Variants in PTPA observed in about 807,000 individuals in gnomAD.
The protein encoded by PTPA is protein phosphatase 2 phosphatase activator.
PTPA carries 13 observed loss-of-function variants against 43.6 expected under a neutral mutation model. The ratio of observed to expected loss-of-function variants is 0.30; its 90% CI spans 0.19 to 0.47. The LOEUF is 0.47. PTPA is among the 20% of genes least tolerant of loss of function. The probability of loss-of-function intolerance (pLI) is 0.99; values close to 1 mark genes in which losing one functional copy is unlikely to be tolerated. For missense variants in PTPA, 329 were observed against 411.9 expected (o/e 0.80, Z 1.74); for synonymous variants, 172 against 158.2 (o/e 1.09, Z -0.66).
intron 9 of PTPA, among the ~76,000 whole-genome samples, chr9:129,144,294 A>C (rs973365573): frequency 1.3e-5 from 2 of 152,054 alleles, no homozygotes; most frequent in Non-Finnish European, 2.9e-5. Flanking sequence ...GGTGGCAAAC[A>C]CAAAGAGGAC....
intron 1 of PTPA, among the ~76,000 whole-genome samples, chr9:129,117,852 ATGTCAGGCTAATTTTTG>A (rs1848982357): frequency 6.6e-6 from 1 of 151,724 alleles, no homozygotes; most frequent in Non-Finnish European, 1.5e-5. Context: ...GTGTGCCGTC[ATGTCAGGCTAATTTTTG>A]TATTTTTTAG....
intron 9 of PTPA, chr9:129,142,924 T>A (rs1172376582): frequency 6.8e-7 from 1 of 1,464,054 alleles, no homozygotes; most frequent in Non-Finnish European, 9.0e-7. Flanking sequence ...ATGGCATACC[T>A]GGGAAGGGTC....
intron 5 of PTPA, among the ~76,000 whole-genome samples, chr9:129,133,682 T>C (rs1285496394): frequency 6.6e-6 from 1 of 152,238 alleles, no homozygotes; most frequent in Non-Finnish European, 1.5e-5. Context: ...TCTGATCATG[T>C]GTTCCCTGCT....
chr9:129,111,687 G>C, intron 1 of PTPA, 56 bp downstream of exon 1: 2 of 1,259,790 alleles, frequency 1.6e-6, no homozygotes, highest in Non-Finnish European at 2.0e-6. Context: ...GGCGGTGCCA[G>C]GTGTGGGAGG....
chr9:129,127,883 A>G (rs942036684), intron 3 of PTPA: 8 of 924,934 alleles, frequency 8.6e-6, no homozygotes, highest in Non-Finnish European at 9.3e-6. Flanking sequence ...ACAGTGAGGA[A>G]TTAAATTAAT....
At chr9:129,136,742 A>G in intron 7 of PTPA, 147 bp downstream of exon 7, 2 of 1,113,244 alleles carry the variant, frequency 1.8e-6, no homozygotes, top group Non-Finnish European at 1.2e-6. Flanking sequence ...TAGACCAGCT[A>G]TTGAGGGAGG....
At chr9:129,131,460 C>A in intron 4 of PTPA, 62 bp from the exon 5 acceptor site, 1 of 1,488,142 alleles carries the variant, frequency 6.7e-7, no homozygotes. Context: ...TGCCCCTGGG[C>A]ACCTGCCCAC....
intron 1 of PTPA, chr9:129,112,071 C>G (rs1175512491): frequency 6.0e-6 from 1 of 165,782 alleles, no homozygotes; most frequent in Admixed American, 6.4e-5. Context: ...GGCCTGCGCC[C>G]GCCTCGCCTC....
intron 3 of PTPA, among the ~76,000 whole-genome samples, chr9:129,126,113 C>T (rs944871472): frequency 6.6e-6 from 1 of 151,916 alleles, no homozygotes; most frequent in Admixed American, 6.6e-5. Flanking sequence ...GGTGCCACTG[C>T]ACTCCAGCCC....
At chr9:129,130,717 A>G in intron 4 of PTPA, among the ~76,000 whole-genome samples, 1 of 152,122 alleles carries the variant, frequency 6.6e-6, no homozygotes, top group Admixed American at 6.5e-5. Flanking sequence ...AAAGCTGACA[A>G]ATCATAGCTT....
Position 129,136,372 on chromosome 9 carries a change from A to T in PTPA, c.561-99A>T, listed in dbSNP as rs1048768168. The T allele has an allele frequency of 1.1e-5, 15 of 1,314,974 alleles. No homozygotes were observed. The African/African-American group carries it at 1.5e-4, about 13-fold the overall frequency. 81.5% of individuals were successfully genotyped at this position (1,314,974 alleles called of 1,614,324 possible). A position where few individuals can be genotyped will look rare whatever the true frequency, so the allele number is the denominator to read the frequency against. Reference sequence around the variant, plus strand: ...AAATTGAGACCAGTTAACACTCTTCAGTGGTTATTTTGGGGTCTCCTTGTG... The same window carrying T: ...AAATTGAGACCAGTTAACACTCTTCTGTGGTTATTTTGGGGTCTCCTTGTG... On this transcript the variant is annotated intron_variant, in intron 6 of 9. Transcript: ENST00000393370.
intron 5 of PTPA, among the ~76,000 whole-genome samples, chr9:129,133,507 GA>G (rs2131593201): frequency 6.6e-6 from 1 of 152,342 alleles, no homozygotes; most frequent in East Asian, 1.9e-4. Flanking sequence ...AGACAGGACA[GA>G]AGTATTCTCT....
chr9:129,143,062 A>G (rs1851010036), intron 9 of PTPA: 2 of 761,656 alleles, frequency 2.6e-6, no homozygotes, highest in East Asian at 5.4e-5. Flanking sequence ...ATTTTGATGC[A>G]AATGGTTTTC....
chr9:129,119,172 T>A (rs1469525484), intron 1 of PTPA: 1 of 160,332 alleles, frequency 6.2e-6, no homozygotes, highest in Non-Finnish European at 1.4e-5. Flanking sequence ...AATTTTTAAA[T>A]TTTTTTTGTA....
chr9:129,140,935 T>G (rs768384946), intron 8 of PTPA, among the ~76,000 whole-genome samples: 32 of 152,032 alleles, frequency 2.1e-4, no homozygotes, highest in Non-Finnish European at 4.0e-4. Flanking sequence ...GGGGTGATTC[T>G]GAGTGAAGCG....
At position 129,147,434 on chromosome 9, in the gene PTPA, G is replaced by C. The variant is rs1851378460; in HGVS notation, c.942G>C (p.Leu314=). 2 of 1,613,980 alleles carry C rather than the reference G, an allele frequency of 1.2e-6. No homozygotes were observed. The highest frequency in any genetic ancestry group is 2.2e-5 in the South Asian group (2 of 91,088). ...PVIQHFKFGS[L]LPIHPVTSG ...TCCAGCACTTCAAGTTCGGGAGCCT[G>C]CTGCCCATCCATCCTGTCACGTCGG... The change falls in exon 10 of 10, where the codon CTG becomes CTC. Residue 314 remains leucine, a synonymous_variant. Transcript: ENST00000393370.
chr9:129,111,193 G>C (rs908543603), upstream of PTPA: 5 of 1,086,014 alleles, frequency 4.6e-6, no homozygotes, highest in African/African-American at 1.7e-5. Context: ...CGGGACAGGA[G>C]ACTGTCCCGG....
intron 9 of PTPA, chr9:129,143,315 G>A: frequency 1.4e-6 from 1 of 703,070 alleles, no homozygotes; most frequent in Non-Finnish European, 2.6e-6. Context: ...GGGAAGGGCT[G>A]GATGTGAAGT....
intron 3 of PTPA, among the ~76,000 whole-genome samples, chr9:129,125,011 G>T (rs1849485646): frequency 6.6e-6 from 1 of 152,184 alleles, no homozygotes; most frequent in East Asian, 1.9e-4. Context: ...CCCATTAGTG[G>T]CTTTTTGGGT....
Sources: allele counts gnomAD v4.1 joint callset (sites outside exome capture counted in the v4.1 genomes callset), GRCh38; gene constraint gnomAD v4.1.1; transcripts MANE v1.5; gene names NCBI Gene and HGNC (gene_info 2026-07-23, HGNC 2026-07-21).